SDHB: variants seen among roughly 807,000 people sequenced by gnomAD.
SDHB encodes the protein succinate dehydrogenase [ubiquinone] iron-sulfur subunit, mitochondrial.
Under a neutral mutation model 39.7 loss-of-function variants are expected in SDHB, and 21 were observed. That is an observed-to-expected ratio of 0.53 (90% CI 0.37 to 0.76). The LOEUF is 0.76. Ranked by LOEUF, SDHB falls within the 30% of genes least tolerant of loss-of-function variation. The pLI is 0.00. For missense variants in SDHB, 343 were observed against 350.9 expected (o/e 0.98, Z 0.18); for synonymous variants, 118 against 117.0 (o/e 1.01, Z -0.06).
At position 17,045,003 on chromosome 1, in the gene SDHB, T is replaced by C; in HGVS notation, c.73-115A>G. 4 of 882,650 alleles carry C rather than the reference T, an allele frequency of 4.5e-6. No individual in the cohort carries two copies. The South Asian group carries it at 5.9e-5, about 13-fold the overall frequency. The allele number at this position is 882,650 out of a possible 1,614,324, so 54.7% of individuals were successfully genotyped here. Reference sequence around the variant, plus strand: ...TATAAACTCACACATTACTGACACATAATCTTCTTAGAAAAGGCAGGCATT... The same window carrying C: ...TATAAACTCACACATTACTGACACACAATCTTCTTAGAAAAGGCAGGCATT... On this transcript the variant is annotated intron_variant, in intron 1 of 7. Transcript: ENST00000375499.
At chr1:17,041,614 A>T (rs2078080578) in intron 2 of SDHB, among the ~76,000 whole-genome samples, 1 of 152,172 alleles carries the variant, frequency 6.6e-6, no homozygotes, top group African/African-American at 2.4e-5. Context: ...GTGAGCCAAG[A>T]TCGCACCACT....
intron 7 of SDHB, among the ~76,000 whole-genome samples, chr1:17,022,232 C>T (rs923467515): frequency 2.0e-5 from 3 of 152,228 alleles, no homozygotes; most frequent in Admixed American, 1.3e-4. Context: ...AGCAGATTAG[C>T]AGCTGACATC....
At position 17,022,672 on chromosome 1, in the gene SDHB, A is replaced by G. The variant is rs786202913; in HGVS notation, c.701T>C (p.Leu234Pro). 1 of 1,613,934 alleles carries G rather than the reference A, an allele frequency of 6.2e-7. No homozygotes were observed. The change falls in exon 7 of 8, where the codon CTG (leucine) becomes CCG (proline). Residue 234 changes from leucine to proline, a missense_variant. Transcript: ENST00000375499. The stretch of plus-strand genomic sequence containing the variant: ...GCGGTATAGAGAGAATGGGTCCTGC[A>G]GCTTGGCCAGGCGCTCCTCTGTGAA... ...DDFTEERLAK[L>P]QDPFSLYRCH...
At chr1:17,047,679 G>C (rs1287622372) in intron 1 of SDHB, among the ~76,000 whole-genome samples, 1 of 104,414 alleles carries the variant, frequency 9.6e-6, no homozygotes, top group South Asian at 3.3e-4. Context: ...TGAAACTCAA[G>C]CTAAAAAAAA....
intron 2 of SDHB, among the ~76,000 whole-genome samples, chr1:17,038,681 T>C (rs575193560): frequency 5.9e-5 from 9 of 152,362 alleles, no homozygotes; most frequent in African/African-American, 2.2e-4. Context: ...TAAAGTATGC[T>C]ATTAGCTGTG....
At chr1:17,021,443 TAAA>T (rs1036581839) in intron 7 of SDHB, among the ~76,000 whole-genome samples, 1 of 149,710 alleles carries the variant, frequency 6.7e-6, no homozygotes, top group Non-Finnish European at 1.5e-5. Flanking sequence ...CCCTGTCTTT[TAAA>T]AAAAACAGAT....
chr1:17,028,827 AT>A, intron 3 of SDHB, 91 bp from the exon 4 acceptor site: 7 of 1,463,872 alleles, frequency 4.8e-6, no homozygotes, highest in Non-Finnish European at 6.6e-6. Flanking sequence ...TTGCTGTGCC[AT>A]CAGGGGCAGC....
intron 7 of SDHB, among the ~76,000 whole-genome samples, chr1:17,020,943 T>C (rs1419012419): frequency 6.6e-6 from 1 of 152,146 alleles, no homozygotes; most frequent in Non-Finnish European, 1.5e-5. Flanking sequence ...AAACACACAG[T>C]GTGATCTTTT....
chr1:17,044,992 T>A, intron 1 of SDHB, 104 bp from the exon 2 acceptor site: 1 of 1,011,562 alleles, frequency 9.9e-7, no homozygotes, highest in Non-Finnish European at 1.5e-6. Context: ...AACTCACACA[T>A]TACTGACACA....
At chr1:17,032,700 A>C (rs2078029984) in intron 3 of SDHB, 1 of 343,808 alleles carries the variant, frequency 2.9e-6, no homozygotes, top group Non-Finnish European at 5.6e-6. Context: ...CCTGCTGGAC[A>C]AGCATAAGTG....
At chr1:17,023,844 G>A (rs2077976529) in intron 6 of SDHB, 129 bp downstream of exon 6, 2 of 730,214 alleles carry the variant, frequency 2.7e-6, no homozygotes, top group African/African-American at 1.7e-5. Context: ...CAATTACCCT[G>A]TTTGGACTGG....
rs746011241 is a variant in SDHB, at chr1:17,028,634, A to G, written c.389T>C (p.Leu130Pro). ...NLNKVSKIYP[L>P]PHMYVIKDLV... is the part of the protein sequence containing the mutation. Reference sequence around the variant, plus strand: ...ATCCTTTATCACATACATGTGTGGAAGAGGGTAGATTTTTGAGACCTTATT... The same window carrying G: ...ATCCTTTATCACATACATGTGTGGAGGAGGGTAGATTTTTGAGACCTTATT... The change falls in exon 4 of 8, where the codon CTT becomes CCT. Residue 130 changes from leucine to proline, a missense_variant. Leu to Pro is a moderately conservative substitution (Grantham distance 98). Coordinates refer to ENST00000375499, the MANE Select transcript of SDHB (RefSeq NM_003000.3). 1.2e-6 allele frequency: 2 copies of G among 1,614,222 alleles called. No homozygotes were observed. The highest frequency in any genetic ancestry group is 2.2e-5 in the South Asian group (2 of 91,086).
intron 1 of SDHB, among the ~76,000 whole-genome samples, chr1:17,049,588 C>T (rs1428242858): frequency 2.7e-5 from 4 of 147,048 alleles, no homozygotes; most frequent in East Asian, 2.1e-4. Flanking sequence ...TGAGCAACCG[C>T]GCCTGGCCCC....
chr1:17,022,957 AC>A lies in SDHB; in HGVS notation c.643-228del, dbSNP rs1442938195. Reference sequence around the variant, plus strand: ...ACCTTTGATCCATACTGCACCTGGTACCCGGGTGCTTAATTATACACACTGG... The same window carrying A: ...ACCTTTGATCCATACTGCACCTGGTACCGGGTGCTTAATTATACACACTGG... On this transcript the variant is annotated intron_variant, in intron 6 of 7. Coordinates refer to ENST00000375499, the MANE Select transcript of SDHB (RefSeq NM_003000.3). 22 of 505,966 alleles carry A rather than the reference AC, an allele frequency of 4.3e-5. No individual in the cohort carries two copies. In the East Asian group the frequency reaches 7.9e-4, roughly 18 times the overall value. The allele number at this position is 505,966 out of a possible 1,614,324, so 31.3% of individuals were successfully genotyped here. A position where few individuals can be genotyped will look rare whatever the true frequency, so the allele number is the denominator to read the frequency against.
rs754406155 is a variant in SDHB at position 17,027,881 on chromosome 1, A to C, written c.424-16T>G. 2 of 1,094,560 alleles carry C rather than the reference A, an allele frequency of 1.8e-6. No individual in the cohort carries two copies. The highest frequency in any genetic ancestry group is 3.1e-5 in the African/African-American group (2 of 63,898). 67.8% of individuals were successfully genotyped at this position (1,094,560 alleles called of 1,614,324 possible). A position where few individuals can be genotyped will look rare whatever the true frequency, so the allele number is the denominator to read the frequency against. On this transcript the variant is annotated splice_polypyrimidine_tract_variant and intron_variant, in intron 4 of 7. Transcript: ENST00000375499. ...TGCTCAAATCCTGTGGTTAAGAGGA[A>C]GAAGAAGAAGAAGAAGAAGAAAAGG... is the stretch of plus-strand genomic sequence containing the variant.
chr1:17,051,421 G>A (rs906957540), intron 1 of SDHB, among the ~76,000 whole-genome samples: 11 of 152,212 alleles, frequency 7.2e-5, no homozygotes, highest in African/African-American at 2.7e-4. Flanking sequence ...TCCTTAGGGT[G>A]CAGGCTTGGA....
At chr1:17,050,323 T>A (rs2078138418) in intron 1 of SDHB, among the ~76,000 whole-genome samples, 1 of 151,900 alleles carries the variant, frequency 6.6e-6, no homozygotes, top group African/African-American at 2.4e-5. Context: ...TTTTTTTCAG[T>A]ACAACTAATT....
chr1:17,052,630 C>A (rs1049641572), intron 1 of SDHB: 1 of 152,224 alleles, frequency 6.6e-6, no homozygotes, highest in African/African-American at 2.4e-5. Flanking sequence ...CAATTTAATA[C>A]TGAGAGGATG....
At chr1:17,027,607 G>A (rs2077998209) in intron 5 of SDHB, 142 bp downstream of exon 5, 6 of 725,910 alleles carry the variant, frequency 8.3e-6, no homozygotes, top group African/African-American at 1.7e-5. Flanking sequence ...CTAAGAGGAT[G>A]AGTGCCCCAC....
Sources: allele counts gnomAD v4.1 joint callset (sites outside exome capture counted in the v4.1 genomes callset), GRCh38; gene constraint gnomAD v4.1.1; transcripts MANE v1.5; gene names NCBI Gene and HGNC (gene_info 2026-07-23, HGNC 2026-07-21).